The following PPARGC1A variants were observed in gnomAD, a reference collection of about 807,000 sequenced individuals.
PPARGC1A encodes the protein PPARG coactivator 1 alpha.
Under a neutral mutation model 88.7 loss-of-function variants are expected in PPARGC1A, and 25 were observed. The observed-to-expected ratio is 0.28, with a 90% CI of 0.21 to 0.39. The LOEUF (loss-of-function observed/expected upper bound fraction) is 0.39, where lower values mean the gene tolerates loss of function less well. Ranked by LOEUF, PPARGC1A falls within the 10% of genes least tolerant of loss-of-function variation. The probability of loss-of-function intolerance (pLI) is 1.00; values close to 1 mark genes in which losing one functional copy is unlikely to be tolerated. For synonymous variants in PPARGC1A, 363 were observed against 355.6 expected, an observed-to-expected ratio of 1.02 and a Z score of -0.24; for missense variants, 880 against 968.7, an observed-to-expected ratio of 0.91 and a Z score of 1.22.
At chr4:24,135,887 C>T in the PPARGC1A span, among the ~76,000 whole-genome samples, 4 of 152,096 alleles carry the variant, frequency 2.6e-5, no homozygotes, top group Non-Finnish European at 4.4e-5. Context: ...TGGGAGTAAC[C>T]GGAATGCGTT....
At chr4:24,010,945 T>C in the PPARGC1A span, among the ~76,000 whole-genome samples, 1 of 152,042 alleles carries the variant, frequency 6.6e-6, no homozygotes, top group Non-Finnish European at 1.5e-5. Context: ...CTTGGCATCA[T>C]ACAGAAATTC....
the PPARGC1A span, among the ~76,000 whole-genome samples, chr4:23,950,512 T>C: frequency 6.6e-6 from 1 of 152,162 alleles, no homozygotes; most frequent in African/African-American, 2.4e-5. Context: ...CTGAAAGGTA[T>C]CTTGTAATGA....
At chr4:24,024,709 C>T in the PPARGC1A span, among the ~76,000 whole-genome samples, 1 of 152,336 alleles carries the variant, frequency 6.6e-6, no homozygotes, top group East Asian at 1.9e-4. Flanking sequence ...AGCCAGTGGT[C>T]AAGCTGTCCC....
chr4:24,256,131 G>A, the PPARGC1A span, among the ~76,000 whole-genome samples: 1 of 152,184 alleles, frequency 6.6e-6, no homozygotes, highest in Non-Finnish European at 1.5e-5. Context: ...CAGCAGTCAA[G>A]ACTGGAACTA....
chr4:24,407,348 T>A, the PPARGC1A span, among the ~76,000 whole-genome samples: 1 of 152,304 alleles, frequency 6.6e-6, no homozygotes, highest in East Asian at 1.9e-4. Context: ...AGCACTAACA[T>A]GAAACGAGGG....
the PPARGC1A span, among the ~76,000 whole-genome samples, chr4:23,989,319 T>G: frequency 1.3e-5 from 2 of 151,976 alleles, no homozygotes; most frequent in African/African-American, 4.8e-5. Context: ...CTTGACAGAT[T>G]TTTTTTAAAT....
chr4:24,098,505 C>T, the PPARGC1A span, among the ~76,000 whole-genome samples: 1 of 152,124 alleles, frequency 6.6e-6, no homozygotes, highest in African/African-American at 2.4e-5. Flanking sequence ...CCAGGAAGGA[C>T]TTTTTCTTAA....
At chr4:24,348,417 T>A in the PPARGC1A span, among the ~76,000 whole-genome samples, 2 of 152,224 alleles carry the variant, frequency 1.3e-5, no homozygotes, top group African/African-American at 4.8e-5. Flanking sequence ...CTTTTAGAAT[T>A]CTCTTCTTCC....
At chr4:23,917,356 T>C in the PPARGC1A span, among the ~76,000 whole-genome samples, 1 of 148,364 alleles carries the variant, frequency 6.7e-6, no homozygotes, top group African/African-American at 2.5e-5. Context: ...ATCATACTCT[T>C]TTCTGTGTTT....
intron 7 of PPARGC1A, among the ~76,000 whole-genome samples, chr4:23,818,842 T>C (rs1577386489): frequency 3.5e-5 from 2 of 57,844 alleles, no homozygotes; most frequent in East Asian, 8.0e-4. Context: ...ATGGCATCTT[T>C]TTTTTTTTTT....
At chr4:24,008,350 T>A in the PPARGC1A span, among the ~76,000 whole-genome samples, 1 of 152,198 alleles carries the variant, frequency 6.6e-6, no homozygotes, top group African/African-American at 2.4e-5. Flanking sequence ...TAGGAGCTTT[T>A]TTTCCCCCTT....
chr4:24,359,677 C>T, the PPARGC1A span, among the ~76,000 whole-genome samples: 1 of 152,144 alleles, frequency 6.6e-6, no homozygotes, highest in Non-Finnish European at 1.5e-5. Flanking sequence ...GTGTCCTTAT[C>T]AGAAGAGGGA....
chr4:23,822,074 G>A (rs1434950711), intron 7 of PPARGC1A, among the ~76,000 whole-genome samples: 2 of 152,006 alleles, frequency 1.3e-5, no homozygotes, highest in African/African-American at 4.8e-5. Context: ...TTTATCAGTA[G>A]TTATGAATAT....
the PPARGC1A span, among the ~76,000 whole-genome samples, chr4:24,041,738 C>G: frequency 1.8e-4 from 28 of 152,218 alleles, no homozygotes; most frequent in African/African-American, 6.0e-4. Flanking sequence ...TCGACACACA[C>G]CCATGAAGCA....
intron 12 of PPARGC1A, among the ~76,000 whole-genome samples, chr4:23,800,235 CATG>C (rs1231410692): frequency 6.6e-6 from 1 of 152,048 alleles, no homozygotes; most frequent in African/African-American, 2.4e-5. Context: ...ATGTTAATTT[CATG>C]ATAAATATTA....
chr4:24,056,115 G>A, the PPARGC1A span, among the ~76,000 whole-genome samples: 1 of 152,232 alleles, frequency 6.6e-6, no homozygotes, highest in East Asian at 1.9e-4. Context: ...AGTTTGCCAA[G>A]CTAAGAAGTG....
the PPARGC1A span, among the ~76,000 whole-genome samples, chr4:24,162,151 G>A: frequency 6.6e-6 from 1 of 152,112 alleles, no homozygotes; most frequent in East Asian, 1.9e-4. Flanking sequence ...ACTCATAAAT[G>A]GGAGTTAAGC....
intron 7 of PPARGC1A, among the ~76,000 whole-genome samples, chr4:23,815,586 A>T (rs1241096069): frequency 6.6e-6 from 1 of 152,074 alleles, no homozygotes; most frequent in Non-Finnish European, 1.5e-5. Flanking sequence ...TTTCATCAGA[A>T]ACCACTGTGG....
the PPARGC1A span, among the ~76,000 whole-genome samples, chr4:24,271,329 T>C: frequency 6.6e-5 from 10 of 152,024 alleles, no homozygotes; most frequent in African/African-American, 2.4e-4. Context: ...CTCTGCAGAA[T>C]CAGCATATCA....
Sources: allele counts gnomAD v4.1 joint callset (sites outside exome capture counted in the v4.1 genomes callset), GRCh38; gene constraint gnomAD v4.1.1; transcripts MANE v1.5; gene names NCBI Gene and HGNC (gene_info 2026-07-23, HGNC 2026-07-21).